Variants in CNTNAP2 observed in about 807,000 individuals in gnomAD.
CNTNAP2 encodes the protein contactin associated protein 2, also known as contactin-associated protein-like 2.
A neutral mutation model predicts 155.2 loss-of-function variants in CNTNAP2; 98 were observed. That is an observed-to-expected ratio of 0.63 (90% confidence interval 0.54 to 0.75). The LOEUF (loss-of-function observed/expected upper bound fraction) is 0.75. CNTNAP2 is among the 30% of genes least tolerant of loss of function. The pLI, the probability that CNTNAP2 is intolerant of heterozygous loss-of-function variation, is 0.00. For synonymous variants in CNTNAP2, 651 were observed against 631.2 expected (o/e 1.03, Z -0.47); for missense variants, 1,727 against 1,688.1 (o/e 1.02, Z -0.40).
intron 12 of CNTNAP2, among the ~76,000 whole-genome samples, chr7:147,622,842 T>C (rs1794891178): frequency 6.6e-6 from 1 of 151,770 alleles, no homozygotes; most frequent in Non-Finnish European, 1.5e-5. Context: ...AAAAATTTGG[T>C]TTATTGAAAA....
chr7:146,610,031 C>T (rs79901013), intron 1 of CNTNAP2, among the ~76,000 whole-genome samples: 3,427 of 152,280 alleles, frequency 0.023, 47 homozygotes, highest in Middle Eastern at 0.041. Context: ...GTTCCATGAA[C>T]ACTAAAGGCT....
At chr7:148,106,976 GGAT>G (rs1804237754) in intron 15 of CNTNAP2, among the ~76,000 whole-genome samples, 1 of 152,050 alleles carries the variant, frequency 6.6e-6, no homozygotes, top group African/African-American at 2.4e-5. Context: ...GGTAGACCTA[GGAT>G]TACTCAGGCA....
chr7:146,415,412 T>C (rs1006833907), intron 1 of CNTNAP2, among the ~76,000 whole-genome samples: 3 of 152,236 alleles, frequency 2.0e-5, no homozygotes, highest in African/African-American at 2.4e-5. Context: ...ATTGTGTTTT[T>C]ACTTCAAAAT....
intron 1 of CNTNAP2, among the ~76,000 whole-genome samples, chr7:146,556,128 T>C (rs1000327260): frequency 6.6e-6 from 1 of 152,212 alleles, no homozygotes; most frequent in African/African-American, 2.4e-5. Context: ...GAATATTTCA[T>C]GGTTATACTT....
chr7:147,236,179 C>T (rs77638698), intron 8 of CNTNAP2, among the ~76,000 whole-genome samples: 12,906 of 152,234 alleles, frequency 0.085, 575 homozygotes, highest in Middle Eastern at 0.099. Flanking sequence ...CAGGAAACTC[C>T]CCCTACTGCA....
intron 13 of CNTNAP2, among the ~76,000 whole-genome samples, chr7:147,703,543 C>T (rs1584909127): frequency 6.6e-6 from 1 of 152,104 alleles, no homozygotes; most frequent in Non-Finnish European, 1.5e-5. Flanking sequence ...TACTTTTTCA[C>T]TCTGTGTATT....
chr7:146,917,941 T>C (rs1373485184), intron 3 of CNTNAP2, among the ~76,000 whole-genome samples: 2 of 152,228 alleles, frequency 1.3e-5, no homozygotes, highest in Non-Finnish European at 2.9e-5. Flanking sequence ...AATGAACTAA[T>C]ACGTCTTTTT....
chr7:148,093,461 A>G (rs2116567917), intron 15 of CNTNAP2, among the ~76,000 whole-genome samples: 1 of 152,364 alleles, frequency 6.6e-6, no homozygotes, highest in East Asian at 1.9e-4. Flanking sequence ...CTTGGAAAAT[A>G]CTTAACTAGC....
chr7:148,269,863 T>C (rs545166421), intron 21 of CNTNAP2, among the ~76,000 whole-genome samples: 2 of 152,354 alleles, frequency 1.3e-5, no homozygotes, highest in South Asian at 4.1e-4. Flanking sequence ...TTTAAAATGT[T>C]AAGTGCTCCT....
chr7:147,995,851 C>T (rs1364411739), intron 15 of CNTNAP2, among the ~76,000 whole-genome samples: 1 of 152,128 alleles, frequency 6.6e-6, no homozygotes, highest in East Asian at 1.9e-4. Flanking sequence ...AGAAAAAAGA[C>T]TGTGCTCTTT....
chr7:147,707,994 G>T (rs1001985909), intron 13 of CNTNAP2, among the ~76,000 whole-genome samples: 5 of 152,106 alleles, frequency 3.3e-5, no homozygotes, highest in African/African-American at 4.8e-5. Flanking sequence ...TAGAGTGGGG[G>T]AGAGAGCCAG....
At chr7:147,924,757 A>G (rs1010221669) in intron 14 of CNTNAP2, among the ~76,000 whole-genome samples, 1 of 152,126 alleles carries the variant, frequency 6.6e-6, no homozygotes, top group East Asian at 1.9e-4. Context: ...CCTTGTGCAG[A>G]GTATGAGAGC....
At chr7:148,159,964 C>T (rs180861827) in intron 17 of CNTNAP2, among the ~76,000 whole-genome samples, 35 of 152,170 alleles carry the variant, frequency 2.3e-4, no homozygotes, top group South Asian at 6.2e-4. Flanking sequence ...CACTGCTGGG[C>T]GCGGTGGCTC....
chr7:146,777,113 C>G (rs1350900132), intron 2 of CNTNAP2, among the ~76,000 whole-genome samples: 1 of 152,128 alleles, frequency 6.6e-6, no homozygotes, highest in Admixed American at 6.5e-5. Flanking sequence ...CACAGTTCAT[C>G]TCTTTTTGAC....
chr7:147,131,116 C>T (rs1161644371), intron 7 of CNTNAP2, among the ~76,000 whole-genome samples: 1 of 141,260 alleles, frequency 7.1e-6, no homozygotes, highest in Non-Finnish European at 1.5e-5. Context: ...ATATATATAC[C>T]ATATACATAT....
chr7:146,933,419 C>G (rs1488671983), intron 3 of CNTNAP2, among the ~76,000 whole-genome samples: 4 of 151,294 alleles, frequency 2.6e-5, no homozygotes, highest in Non-Finnish European at 5.9e-5. Context: ...CTTCCTTATA[C>G]CTTATACAAA....
At chr7:147,039,828 T>A (rs1237083910) in intron 3 of CNTNAP2, among the ~76,000 whole-genome samples, 3 of 152,260 alleles carry the variant, frequency 2.0e-5, no homozygotes, top group Admixed American at 6.5e-5. Flanking sequence ...AAAACCTAAA[T>A]GTAAAACCCA....
intron 1 of CNTNAP2, among the ~76,000 whole-genome samples, chr7:146,366,241 A>T (rs1419978077): frequency 2.3e-5 from 3 of 130,706 alleles, no homozygotes; most frequent in East Asian, 4.2e-4. Flanking sequence ...TAGACCTGAG[A>T]GTTTTTTCTT....
intron 10 of CNTNAP2, among the ~76,000 whole-genome samples, chr7:147,397,536 T>C (rs1796839780): frequency 6.6e-6 from 1 of 151,984 alleles, no homozygotes; most frequent in African/African-American, 2.4e-5. Flanking sequence ...AAACATCGTG[T>C]TTCTAGGCAT....
Sources: allele counts gnomAD v4.1 joint callset (sites outside exome capture counted in the v4.1 genomes callset), GRCh38; gene constraint gnomAD v4.1.1; transcripts MANE v1.5; gene names NCBI Gene and HGNC (gene_info 2026-07-23, HGNC 2026-07-21).